The following MICU1 variants were observed in gnomAD, a reference collection of about 807,000 sequenced individuals.
MICU1 encodes mitochondrial calcium uptake 1, also known as calcium uptake protein 1, mitochondrial.
MICU1 carries 45 observed loss-of-function variants against 56.8 expected under a neutral mutation model. The observed-to-expected ratio is 0.79, with a 90% CI of 0.62 to 1.02. The LOEUF is 1.02. Among genes scored for constraint, MICU1 ranks in the 50% least tolerant of loss-of-function variants. MICU1 has a pLI of 0.00. For missense variants in MICU1, 504 were observed against 587.1 expected (o/e 0.86, Z 1.46); for synonymous variants, 186 against 195.1 (o/e 0.95, Z 0.39).
intron 8 of MICU1, among the ~76,000 whole-genome samples, chr10:72,431,690 C>T (rs567969720): frequency 2.0e-5 from 3 of 152,268 alleles, no homozygotes; most frequent in South Asian, 4.1e-4. Flanking sequence ...TGCATCACCA[C>T]CAGCACTTGG....
intron 11 of MICU1, 97 bp downstream of exon 11, chr10:72,375,686 T>A (rs1210249344): frequency 4.5e-6 from 5 of 1,122,802 alleles, no homozygotes; most frequent in Non-Finnish European, 5.1e-6. Flanking sequence ...GAGGATGGGC[T>A]GGTACACAGA....
intron 3 of MICU1, among the ~76,000 whole-genome samples, chr10:72,554,066 A>G (rs868235385): frequency 2.8e-4 from 42 of 152,314 alleles, no homozygotes; most frequent in Middle Eastern, 3.4e-3. Flanking sequence ...AGCATTATTG[A>G]GACATCTGTC....
intron 8 of MICU1, among the ~76,000 whole-genome samples, chr10:72,425,247 C>A (rs1864309579): frequency 6.6e-6 from 1 of 152,336 alleles, no homozygotes; most frequent in Non-Finnish European, 1.5e-5. Flanking sequence ...CTACCCTTAT[C>A]TGGGAGGTTT....
intron 5 of MICU1, 96 bp downstream of exon 5, chr10:72,533,650 G>T: frequency 8.0e-6 from 7 of 877,096 alleles, no homozygotes; most frequent in Non-Finnish European, 1.2e-5. Flanking sequence ...AGATAAACAG[G>T]TATTCAGTGA....
intron 1 of MICU1, among the ~76,000 whole-genome samples, chr10:72,576,300 G>A (rs1422215056): frequency 7.2e-6 from 1 of 138,978 alleles, no homozygotes; most frequent in Admixed American, 7.3e-5. Flanking sequence ...CAAAGGCCAA[G>A]ATAGGCCAAA....
At chr10:72,394,681 A>T (rs1041538947) in intron 10 of MICU1, among the ~76,000 whole-genome samples, 2 of 152,058 alleles carry the variant, frequency 1.3e-5, no homozygotes, top group African/African-American at 4.8e-5. Flanking sequence ...CAAACAAAAA[A>T]TGTGAATTTA....
Position 72,368,262 on chromosome 10 carries a change from C to T in MICU1, c.1364G>A (p.Arg455His), listed in dbSNP as rs769417223. 1.2e-5 allele frequency: 19 copies of T among 1,613,958 alleles called. No homozygotes were observed. Among genetic ancestry groups the T allele is most frequent in the South Asian group, 3.3e-5 (3 of 91,076 alleles). The change falls in exon 12 of 12, where the codon CGC becomes CAC. Residue 455 changes from arginine to histidine, a missense_variant. Coordinates refer to ENST00000361114, the MANE Select transcript of MICU1 (RefSeq NM_001195518.2). ...LEKPKDMGFT[R>H]LMQAMWKCAQ... ...ACATTTCCACATGGCCTGCATGAGG[C>T]GAGTGAAACCCATGTCTTTGGGCTT...
intron 1 of MICU1, among the ~76,000 whole-genome samples, chr10:72,608,797 A>T (rs1841762208): frequency 6.6e-6 from 1 of 152,190 alleles, no homozygotes; most frequent in South Asian, 2.1e-4. Flanking sequence ...CAAGTACCCA[A>T]GTCTCATCCA....
chr10:72,474,023 G>T (rs1426911111), intron 8 of MICU1, among the ~76,000 whole-genome samples: 2 of 151,942 alleles, frequency 1.3e-5, no homozygotes, highest in African/African-American at 2.4e-5. Flanking sequence ...ATGGGAGGCC[G>T]AGGCAGGAGG....
chr10:72,533,259 G>T (rs772732295), intron 5 of MICU1: 83 of 652,088 alleles, frequency 1.3e-4, no homozygotes, highest in Non-Finnish European at 1.8e-4. Context: ...TATTTATTCA[G>T]GTATAAATAA....
At chr10:72,597,203 T>C (rs1461594311) in intron 1 of MICU1, among the ~76,000 whole-genome samples, 1 of 152,220 alleles carries the variant, frequency 6.6e-6, no homozygotes, top group Non-Finnish European at 1.5e-5. Context: ...TATACATATT[T>C]CATATTCCTT....
At chr10:72,474,973 G>T in intron 8 of MICU1, 127 bp downstream of exon 8, 1 of 741,758 alleles carries the variant, frequency 1.3e-6, no homozygotes, top group Non-Finnish European at 2.1e-6. Context: ...AGTTTATAAA[G>T]CACTGATAAG....
At chr10:72,602,317 G>T (rs997649373) in intron 1 of MICU1, among the ~76,000 whole-genome samples, 1 of 151,728 alleles carries the variant, frequency 6.6e-6, no homozygotes, top group African/African-American at 2.4e-5. Flanking sequence ...CGAGTGTGGT[G>T]GCACACGCCT....
chr10:72,376,764 A>G (rs1423167370), intron 10 of MICU1, among the ~76,000 whole-genome samples: 1 of 152,156 alleles, frequency 6.6e-6, no homozygotes. Context: ...GGGTGATGGA[A>G]AAATTTTGAA....
chr10:72,531,989 C>T (rs1839499998), intron 5 of MICU1, among the ~76,000 whole-genome samples: 1 of 150,722 alleles, frequency 6.6e-6, no homozygotes, highest in African/African-American at 2.4e-5. Flanking sequence ...CAACCTCTGC[C>T]TCCTGGGTTC....
chr10:72,398,978 G>C (rs1033468438), intron 10 of MICU1, among the ~76,000 whole-genome samples: 5 of 152,260 alleles, frequency 3.3e-5, no homozygotes, highest in African/African-American at 9.6e-5. Flanking sequence ...AAGCCTGGCA[G>C]AGACACAACA....
chr10:72,391,006 C>T (rs1052676135), intron 10 of MICU1, among the ~76,000 whole-genome samples: 2 of 152,228 alleles, frequency 1.3e-5, no homozygotes, highest in Admixed American at 1.3e-4. Flanking sequence ...ATTGACTAAT[C>T]GTTCACCACA....
At chr10:72,467,943 C>T (rs1473742461) in intron 8 of MICU1, 1 of 151,820 alleles carries the variant, frequency 6.6e-6, no homozygotes, top group African/African-American at 2.4e-5. Context: ...TCAAGTGATT[C>T]TCCTGCCTCA....
At chr10:72,505,425 C>G (rs1385387763) in intron 6 of MICU1, among the ~76,000 whole-genome samples, 2 of 152,188 alleles carry the variant, frequency 1.3e-5, no homozygotes, top group Non-Finnish European at 2.9e-5. Flanking sequence ...GAACTACAAA[C>G]AGAACTACCA....
Sources: allele counts gnomAD v4.1 joint callset (sites outside exome capture counted in the v4.1 genomes callset), GRCh38; gene constraint gnomAD v4.1.1; transcripts MANE v1.5; gene names NCBI Gene and HGNC (gene_info 2026-07-23, HGNC 2026-07-21).